The following TMTC2 variants were observed in gnomAD, a reference collection of about 807,000 sequenced individuals.
TMTC2 encodes protein O-mannosyl-transferase TMTC2.
In TMTC2, 43 loss-of-function variants were observed where a neutral mutation model predicts 82.4. The observed-to-expected ratio is 0.52, with a 90% CI of 0.41 to 0.67. TMTC2 has a LOEUF of 0.67. Among genes scored for constraint, TMTC2 ranks in the 30% least tolerant of loss-of-function variants. The probability of loss-of-function intolerance (pLI) is 0.00; values close to 1 mark genes in which losing one functional copy is unlikely to be tolerated. For synonymous variants in TMTC2, 408 were observed against 381.9 expected, an observed-to-expected ratio of 1.07 and a Z score of -0.80; for missense variants, 919 against 1,012.4, an observed-to-expected ratio of 0.91 and a Z score of 1.25.
At chr12:82,716,709 T>TTTA (rs1350417400) in intron 1 of TMTC2, among the ~76,000 whole-genome samples, 70 of 152,158 alleles carry the variant, frequency 4.6e-4, no homozygotes, top group Non-Finnish European at 7.2e-4. Context: ...GGGGTGGACA[T>TTTA]ACTATCAGGT....
intron 2 of TMTC2, among the ~76,000 whole-genome samples, chr12:82,882,577 T>TC (rs1020472344): frequency 8.1e-4 from 124 of 152,210 alleles, no homozygotes; most frequent in African/African-American, 2.7e-3. Flanking sequence ...CCCAGAATGT[T>TC]CAACTCAGCG....
chr12:82,687,389 C>G lies in TMTC2; in HGVS notation c.-198C>G. ...TGTGAGCCCGCACCCGGGGAGGACG[C>G]AGGAGCTGCGGAGACGGGCGCGAGG... On this transcript the variant is annotated 5_prime_UTR_variant, in exon 1 of 12. Transcript: ENST00000321196. 1 of 602,820 alleles carries G rather than the reference C, an allele frequency of 1.7e-6. No homozygotes were observed. Among genetic ancestry groups the G allele is most frequent in the South Asian group, 1.9e-5 (1 of 51,772 alleles). The allele number at this position is 602,820 out of a possible 1,614,324, so 37.3% of individuals were successfully genotyped here.
chr12:83,111,937 C>T (rs1356443), intron 11 of TMTC2, among the ~76,000 whole-genome samples: 66,174 of 149,736 alleles, frequency 0.44, 15,050 homozygotes, highest in East Asian at 0.73. Flanking sequence ...GGCAAAACCT[C>T]GTCTCTACAA....
At chr12:82,913,578 A>G (rs1874823423) in intron 3 of TMTC2, among the ~76,000 whole-genome samples, 2 of 152,140 alleles carry the variant, frequency 1.3e-5, no homozygotes, top group Admixed American at 1.3e-4. Flanking sequence ...CCACACATCT[A>G]GTCATATTTT....
At chr12:82,970,312 T>C (rs2137311731) in intron 7 of TMTC2, among the ~76,000 whole-genome samples, 1 of 152,378 alleles carries the variant, frequency 6.6e-6, no homozygotes, top group Admixed American at 6.5e-5. Flanking sequence ...GGACTTTCCA[T>C]TGTAATTATC....
In TMTC2 at chr12:83,042,001, A is replaced by G. The variant is rs538599681; in HGVS notation, c.2153-8903A>G. Among the ~76,000 whole-genome samples, 46 of 152,354 alleles carry G rather than the reference A, an allele frequency of 3.0e-4. No homozygotes were observed. The South Asian group carries it at 5.2e-3, about 17-fold the overall frequency. Reference sequence around the variant, plus strand: ...TCTTACCTATTTTGACTTGGCAAGCAAATCCACTTTGAGGTTCTTGTTTGC... The same window carrying G: ...TCTTACCTATTTTGACTTGGCAAGCGAATCCACTTTGAGGTTCTTGTTTGC... On this transcript the variant is annotated intron_variant, in intron 9 of 11. Transcript: ENST00000321196.
intron 4 of TMTC2, among the ~76,000 whole-genome samples, chr12:82,940,850 C>T (rs1054448501): frequency 4.6e-5 from 7 of 152,026 alleles, no homozygotes; most frequent in Non-Finnish European, 7.4e-5. Context: ...TCTCACAAAG[C>T]CACTAATACT....
chr12:82,935,057 T>C (rs1246748588), intron 4 of TMTC2, among the ~76,000 whole-genome samples: 1 of 152,138 alleles, frequency 6.6e-6, no homozygotes, highest in Admixed American at 6.6e-5. Context: ...TAGAATTAAA[T>C]CTATTAGAGA....
At chr12:83,049,470 A>G (rs4882434) in intron 9 of TMTC2, among the ~76,000 whole-genome samples, 52,786 of 151,988 alleles carry the variant, frequency 0.35, 9,665 homozygotes, top group South Asian at 0.46. Context: ...AGTTCCACCC[A>G]GGTTACTGCA....
intron 7 of TMTC2, among the ~76,000 whole-genome samples, chr12:82,968,622 G>A (rs1425277187): frequency 3.9e-5 from 6 of 152,138 alleles, no homozygotes; most frequent in Admixed American, 2.0e-4. Context: ...ACTGCATGTA[G>A]TATTTTGTTG....
At chr12:82,703,083 G>C (rs1873157615) in intron 1 of TMTC2, among the ~76,000 whole-genome samples, 1 of 152,038 alleles carries the variant, frequency 6.6e-6, no homozygotes, top group South Asian at 2.1e-4. Flanking sequence ...TGTAGTCCTG[G>C]CTACTTTGGA....
chr12:82,849,283 C>CAT lies in TMTC2; in HGVS notation c.84-7726_84-7725insTA, dbSNP rs145506198. ...ATGTGTTGGACACTGGGAGAAAAGA[C>CAT]AATTCCTTTCCAGAGGTGACCTATA... On this transcript the variant is annotated intron_variant, in intron 1 of 11. Coordinates refer to ENST00000321196, the MANE Select transcript of TMTC2 (RefSeq NM_152588.3). Among the ~76,000 whole-genome samples the CAT allele has an allele frequency of 6.9e-3, 1,048 of 152,146 alleles. 21 individuals are homozygous for CAT. The highest frequency in any genetic ancestry group is 0.024 in the African/African-American group (1,003 of 41,460).
chr12:82,754,080 C>G (rs890211181), intron 1 of TMTC2, among the ~76,000 whole-genome samples: 2 of 152,038 alleles, frequency 1.3e-5, no homozygotes, highest in Non-Finnish European at 2.9e-5. Context: ...TTGGGAGATA[C>G]CCCAAAGAAA....
intron 3 of TMTC2, among the ~76,000 whole-genome samples, chr12:82,900,627 A>AATATATATGGGAATATATATCTCTGGAAT (rs1873934965): frequency 4.7e-5 from 6 of 127,050 alleles, no homozygotes; most frequent in Non-Finnish European, 8.2e-5. Context: ...TATAGAGAGG[A>AATATATATGGGAATATATATCTCTGGAAT]ATATATATAG....
chr12:82,914,417 A>G lies in TMTC2; in HGVS notation c.1484-16014A>G, dbSNP rs1259422924. 2.0e-5 allele frequency among the ~76,000 whole-genome samples: 3 copies of G among 152,214 alleles called. No homozygotes were observed. In the East Asian group the frequency reaches 5.8e-4, roughly 29 times the overall value. On this transcript the variant is annotated intron_variant, in intron 3 of 11. Transcript: ENST00000321196. Reference sequence around the variant, plus strand: ...TGAATGCCAAAAATTAACATATAGAAGTTAACACATGGAATATTCTCCCTG... The same window carrying G: ...TGAATGCCAAAAATTAACATATAGAGGTTAACACATGGAATATTCTCCCTG...
At chr12:82,854,632 A>T (rs1871158648) in intron 1 of TMTC2, among the ~76,000 whole-genome samples, 1 of 152,188 alleles carries the variant, frequency 6.6e-6, no homozygotes, top group African/African-American at 2.4e-5. Context: ...CTAAAAATTA[A>T]AGTTCATTTG....
At chr12:82,824,698 G>A (rs181054804) in intron 1 of TMTC2, among the ~76,000 whole-genome samples, 1 of 152,302 alleles carries the variant, frequency 6.6e-6, no homozygotes, top group East Asian at 1.9e-4. Flanking sequence ...GTGATGATTT[G>A]TAATTATGGA....
intron 2 of TMTC2, among the ~76,000 whole-genome samples, chr12:82,886,308 T>C (rs1311668864): frequency 2.0e-5 from 3 of 152,198 alleles, no homozygotes; most frequent in Admixed American, 2.0e-4. Context: ...ATACACTTTA[T>C]TGGAAAATGG....
At chr12:83,095,230 G>GTTTTTTTTTTTTTTTTTTTTTTTTT in intron 11 of TMTC2, among the ~76,000 whole-genome samples, 1 of 126,274 alleles carries the variant, frequency 7.9e-6, no homozygotes, top group Non-Finnish European at 1.8e-5. Flanking sequence ...TTTTTTTTTT[G>GTTTTTTTTTTTTTTTTTTTTTTTTT]TTTTTTTTTT....
Sources: allele counts gnomAD v4.1 joint callset (sites outside exome capture counted in the v4.1 genomes callset), GRCh38; gene constraint gnomAD v4.1.1; transcripts MANE v1.5; gene names NCBI Gene and HGNC (gene_info 2026-07-23, HGNC 2026-07-21).